Variants in MINPP1 observed in about 807,000 individuals in gnomAD.
The protein encoded by MINPP1 is multiple inositol-polyphosphate phosphatase 1, also known as multiple inositol polyphosphate phosphatase 1.
In MINPP1, 28 loss-of-function variants were observed where a neutral mutation model predicts 46.1. The observed-to-expected ratio is 0.61, with a 90% CI of 0.45 to 0.83. MINPP1 has a LOEUF of 0.83. Ranked by LOEUF, MINPP1 falls within the 40% of genes least tolerant of loss-of-function variation. The pLI is 0.00. For synonymous variants in MINPP1, 268 were observed against 249.1 expected (o/e 1.08, Z -0.72); for missense variants, 603 against 610.0 (o/e 0.99, Z 0.12).
chr10:87,529,106 T>C (rs534880569), intron 4 of MINPP1, among the ~76,000 whole-genome samples: 2 of 152,346 alleles, frequency 1.3e-5, no homozygotes, highest in Admixed American at 6.5e-5. Flanking sequence ...TGTGTGTCTC[T>C]GCACATGAGT....
Position 87,508,528 on chromosome 10 carries a change from A to G in MINPP1, c.830A>G (p.Asn277Ser), listed in dbSNP as rs369216745. 4 of 1,611,084 alleles carry G rather than the reference A, an allele frequency of 2.5e-6. No individual in the cohort carries two copies. The highest frequency in any genetic ancestry group is 1.7e-4 in the Middle Eastern group (1 of 6,042). ...ATLQVPVNDL[N>S]ADLIQVAFFT... ...TTGCAAGTGCCAGTAAATGATTTAA[A>G]TGCAGGTAATATGTCTGTTGTCTTT... The change falls in exon 2 of 5, where the codon AAT (asparagine) becomes AGT (serine). Residue 277 changes from asparagine (N) to serine (S), a missense_variant. Asn to Ser is a conservative substitution (Grantham distance 46). Around this residue, in one of 3 missense-constraint regions of MINPP1, gnomAD observed 344 missense variants for 381.1 expected, o/e 0.90. Coordinates refer to ENST00000371996, the MANE Select transcript of MINPP1 (RefSeq NM_004897.5).
intron 4 of MINPP1, among the ~76,000 whole-genome samples, chr10:87,551,596 C>T (rs562676243): frequency 6.6e-6 from 1 of 152,110 alleles, no homozygotes; most frequent in South Asian, 2.1e-4. Flanking sequence ...CATGAATTAC[C>T]ATGTAATCCT....
intron 4 of MINPP1, among the ~76,000 whole-genome samples, chr10:87,537,840 G>A (rs1364090565): frequency 6.6e-6 from 1 of 151,808 alleles, no homozygotes; most frequent in Non-Finnish European, 1.5e-5. Context: ...TGCGATCATA[G>A]CTCACTACAG....
At chr10:87,507,945 G>C in intron 1 of MINPP1, 2 of 1,311,482 alleles carry the variant, frequency 1.5e-6, no homozygotes, top group South Asian at 3.7e-5. Flanking sequence ...CTTTGGCTTA[G>C]AGTGAAAAAA....
chr10:87,542,747 C>T (rs577009005), intron 4 of MINPP1, among the ~76,000 whole-genome samples: 6 of 152,288 alleles, frequency 3.9e-5, no homozygotes, highest in South Asian at 2.1e-4. Flanking sequence ...CCTGCAGAAC[C>T]GTAAGCCAAA....
Position 87,533,217 on chromosome 10 carries a change from A to T in MINPP1, c.1067+12048A>T, listed in dbSNP as rs537896679. ...CAGGGACATTCTTCAGTGCCACTGA[A>T]TTTTTTTTTCAACATAATTTTGATA... is the stretch of plus-strand genomic sequence containing the variant. On this transcript the variant is annotated intron_variant, in intron 4 of 4. Coordinates refer to ENST00000371996, the MANE Select transcript of MINPP1 (RefSeq NM_004897.5). 9.3e-5 allele frequency among the ~76,000 whole-genome samples: 14 copies of T among 151,206 alleles called. No homozygotes were observed. The East Asian group carries it at 2.7e-3, about 29-fold the overall frequency.
intron 4 of MINPP1, among the ~76,000 whole-genome samples, chr10:87,549,013 T>G (rs1015737364): frequency 6.6e-6 from 1 of 152,218 alleles, no homozygotes; most frequent in Non-Finnish European, 1.5e-5. Context: ...TTTGATGGGA[T>G]GGTTTACTGT....
At chr10:87,522,813 A>G (rs1195234239) in intron 4 of MINPP1, among the ~76,000 whole-genome samples, 1 of 152,176 alleles carries the variant, frequency 6.6e-6, no homozygotes, top group Non-Finnish European at 1.5e-5. Context: ...TTCATGAAAG[A>G]TGTCTCTGTA....
intron 1 of MINPP1, among the ~76,000 whole-genome samples, chr10:87,507,146 C>G (rs1030718260): frequency 3.9e-5 from 6 of 152,154 alleles, no homozygotes; most frequent in African/African-American, 1.4e-4. Context: ...CACTCCTGAC[C>G]GTTTTCAGTG....
intron 3 of MINPP1, among the ~76,000 whole-genome samples, chr10:87,514,349 A>G (rs948156282): frequency 1.3e-5 from 2 of 152,200 alleles, no homozygotes; most frequent in African/African-American, 4.8e-5. Flanking sequence ...CATATATATC[A>G]CAATATTTTC....
intron 4 of MINPP1, among the ~76,000 whole-genome samples, chr10:87,533,348 T>C (rs1394574253): frequency 3.3e-5 from 5 of 152,174 alleles, no homozygotes; most frequent in Admixed American, 2.6e-4. Context: ...ATTAGGAACT[T>C]GATTTTTATT....
At chr10:87,545,538 T>A (rs1851875023) in intron 4 of MINPP1, among the ~76,000 whole-genome samples, 1 of 152,190 alleles carries the variant, frequency 6.6e-6, no homozygotes, top group Admixed American at 6.5e-5. Context: ...TTTTAAAAAA[T>A]TTATTCTTAA....
intron 2 of MINPP1, among the ~76,000 whole-genome samples, chr10:87,511,511 A>G (rs1040472635): frequency 6.6e-6 from 1 of 152,272 alleles, no homozygotes; most frequent in African/African-American, 2.4e-5. Context: ...TGAGGTTCTG[A>G]AAGATTGACC....
intron 4 of MINPP1, among the ~76,000 whole-genome samples, chr10:87,527,025 G>A (rs1238095110): frequency 1.3e-5 from 2 of 152,178 alleles, no homozygotes; most frequent in Non-Finnish European, 2.9e-5. Context: ...TCTTGGCAAT[G>A]TGGGCTCTTT....
chr10:87,549,521 C>T (rs1851933530), intron 4 of MINPP1, among the ~76,000 whole-genome samples: 1 of 152,190 alleles, frequency 6.6e-6, no homozygotes, highest in Non-Finnish European at 1.5e-5. Context: ...CGAAGCTGTC[C>T]ATACTGTAAA....
chr10:87,506,419 T>C (rs1318031427), intron 1 of MINPP1, among the ~76,000 whole-genome samples: 2 of 152,172 alleles, frequency 1.3e-5, no homozygotes, highest in African/African-American at 4.8e-5. Context: ...CTCATGCCTA[T>C]TGTATGCCAG....
rs1237462801 is a variant in MINPP1, at chr10:87,513,191, G to A, written c.903G>A (p.Trp301Ter). The change falls in exon 3 of 5, where the codon TGG (tryptophan) becomes TGA (stop). Residue 301 changes from tryptophan (W) to a stop codon, truncating the protein, a stop_gained. Transcript: ENST00000371996. LOFTEE classifies it high-confidence loss of function. Reference sequence around the variant, plus strand: ...CAATTAAAGGTGTTAAATCTCCTTGGTGTGATGTTTTTGACATAGATGATG... The same window carrying A: ...CAATTAAAGGTGTTAAATCTCCTTGATGTGATGTTTTTGACATAGATGATG... ...DLAIKGVKSP[W>*]CDVFDIDDAK... 1 of 1,613,428 alleles carries A rather than the reference G, an allele frequency of 6.2e-7. No homozygotes were observed. The highest frequency in any genetic ancestry group is 1.7e-5 in the Admixed American group (1 of 60,004).
At chr10:87,550,097 G>T (rs1375057425) in intron 4 of MINPP1, among the ~76,000 whole-genome samples, 6 of 152,150 alleles carry the variant, frequency 3.9e-5, no homozygotes, top group Admixed American at 3.9e-4. Context: ...CTGTTTAGCT[G>T]ATTATGGTCT....
In MINPP1 at chr10:87,552,533, T is replaced by A; in HGVS notation, c.*55T>A. 1.3e-6 allele frequency: 2 copies of A among 1,509,904 alleles called. No individual in the cohort carries two copies. Among genetic ancestry groups the A allele is most frequent in the Non-Finnish European group, 1.8e-6 (2 of 1,094,730 alleles). 93.5% of individuals were successfully genotyped at this position (1,509,904 alleles called of 1,614,324 possible). A position where few individuals can be genotyped will look rare whatever the true frequency, so the allele number is the denominator to read the frequency against. ...GAATCTGCAATGAGTGATTACATGCTTGTAATAGGTAGGCAATTCCTTGAT... is the reference window on the plus strand; with the variant it reads ...GAATCTGCAATGAGTGATTACATGCATGTAATAGGTAGGCAATTCCTTGAT... On this transcript the variant is annotated 3_prime_UTR_variant, in exon 5 of 5. Coordinates refer to ENST00000371996, the MANE Select transcript of MINPP1 (RefSeq NM_004897.5).
Sources: allele counts gnomAD v4.1 joint callset (sites outside exome capture counted in the v4.1 genomes callset), GRCh38; gene constraint gnomAD v4.1.1; regional missense constraint gnomAD v4.1.1; transcripts MANE v1.5; gene names NCBI Gene and HGNC (gene_info 2026-07-23, HGNC 2026-07-21).